The following SHISA9 variants were observed in gnomAD, a reference collection of about 807,000 sequenced individuals.
The protein encoded by SHISA9 is protein shisa-9.
Under a neutral mutation model 38.0 loss-of-function variants are expected in SHISA9, and 13 were observed. The observed-to-expected ratio is 0.34, with a 90% confidence interval of 0.22 to 0.54. The LOEUF (loss-of-function observed/expected upper bound fraction) is 0.54, where lower values mean the gene tolerates loss of function less well. Ranked by LOEUF, SHISA9 falls within the 20% of genes least tolerant of loss-of-function variation. The probability of loss-of-function intolerance (pLI) is 0.91; values close to 1 mark genes in which losing one functional copy is unlikely to be tolerated. For missense variants in SHISA9, 538 were observed against 575.8 expected (o/e 0.93, Z 0.67); for synonymous variants, 275 against 242.0 (o/e 1.14, Z -1.27).
the SHISA9 span, among the ~76,000 whole-genome samples, chr16:13,283,256 C>G: frequency 1.3e-5 from 2 of 152,148 alleles, no homozygotes; most frequent in Non-Finnish European, 1.5e-5. Context: ...TTTTCTAACT[C>G]AGCTAACTTC....
At chr16:13,511,402 T>C in the SHISA9 span, among the ~76,000 whole-genome samples, 1 of 152,210 alleles carries the variant, frequency 6.6e-6, no homozygotes, top group African/African-American at 2.4e-5. Context: ...CCTGGCTGCA[T>C]TTGGCATTTT....
chr16:12,927,949 TTGGAGACCAGCATAG>T (rs1453496278), intron 2 of SHISA9, among the ~76,000 whole-genome samples: 1 of 152,132 alleles, frequency 6.6e-6, no homozygotes, highest in Admixed American at 6.5e-5. Flanking sequence ...ATTAGAAGAA[TTGGAGACCAGCATAG>T]TGTGCTGACT....
At chr16:13,282,197 T>A in the SHISA9 span, among the ~76,000 whole-genome samples, 1 of 151,986 alleles carries the variant, frequency 6.6e-6, no homozygotes, top group Non-Finnish European at 1.5e-5. Context: ...GGTAATGTAT[T>A]CTTCCAGGTA....
the SHISA9 span, among the ~76,000 whole-genome samples, chr16:13,456,622 T>C: frequency 6.6e-6 from 1 of 152,226 alleles, no homozygotes; most frequent in African/African-American, 2.4e-5. Context: ...TTTGTTTGCC[T>C]GAGGGTCTTG....
At chr16:13,457,549 T>C in the SHISA9 span, among the ~76,000 whole-genome samples, 6 of 151,948 alleles carry the variant, frequency 3.9e-5, no homozygotes, top group Admixed American at 3.3e-4. Flanking sequence ...TTTGAATGAC[T>C]CCCTTTAGGC....
the SHISA9 span, among the ~76,000 whole-genome samples, chr16:13,264,116 T>C: frequency 3.3e-5 from 5 of 151,952 alleles, no homozygotes; most frequent in Admixed American, 1.3e-4. Context: ...TCATCACCTG[T>C]GTCTGCTTCT....
the SHISA9 span, among the ~76,000 whole-genome samples, chr16:13,559,680 G>A: frequency 6.6e-6 from 1 of 152,160 alleles, no homozygotes; most frequent in South Asian, 2.1e-4. Flanking sequence ...ACCACATCCA[G>A]CTGAGCATGG....
intron 2 of SHISA9, among the ~76,000 whole-genome samples, chr16:13,039,371 T>C (rs1232822240): frequency 1.3e-5 from 2 of 152,156 alleles, no homozygotes; most frequent in Non-Finnish European, 2.9e-5. Flanking sequence ...GCTAAGTGAC[T>C]TGTACAAGGT....
the SHISA9 span, among the ~76,000 whole-genome samples, chr16:13,539,465 C>G: frequency 6.6e-6 from 1 of 150,858 alleles, no homozygotes; most frequent in Non-Finnish European, 1.5e-5. Context: ...GTGTCAACCA[C>G]TATGCTTGGC....
At chr16:12,906,853 C>G (rs1296768985) in intron 1 of SHISA9, among the ~76,000 whole-genome samples, 1 of 152,110 alleles carries the variant, frequency 6.6e-6, no homozygotes, top group Non-Finnish European at 1.5e-5. Context: ...CCCACTGATG[C>G]TGGTAGCACA....
At chr16:12,986,512 TGTGGTG>T (rs1398907512) in intron 2 of SHISA9, among the ~76,000 whole-genome samples, 1 of 152,114 alleles carries the variant, frequency 6.6e-6, no homozygotes, top group Non-Finnish European at 1.5e-5. Context: ...TTTGGACCTG[TGTGGTG>T]GTGGTAAAGG....
intron 2 of SHISA9, among the ~76,000 whole-genome samples, chr16:13,184,070 C>T (rs1010692058): frequency 6.6e-6 from 1 of 152,096 alleles, no homozygotes. Flanking sequence ...TTTTCCTAAG[C>T]ACCCTCCTCT....
chr16:12,958,336 G>T (rs2071863979), intron 2 of SHISA9, among the ~76,000 whole-genome samples: 2 of 152,154 alleles, frequency 1.3e-5, no homozygotes, highest in Non-Finnish European at 2.9e-5. Context: ...GGACATCCTT[G>T]TACTTCCAAC....
the SHISA9 span, among the ~76,000 whole-genome samples, chr16:13,362,092 A>G: frequency 9.1e-4 from 138 of 152,024 alleles, 1 homozygote; most frequent in South Asian, 0.026. Context: ...GGCTGGCTGC[A>G]GTGGCTCATG....
At chr16:13,329,059 C>T in the SHISA9 span, among the ~76,000 whole-genome samples, 1 of 152,114 alleles carries the variant, frequency 6.6e-6, no homozygotes. Context: ...TCCATCTTCC[C>T]TTCTTTTTGC....
chr16:13,554,755 G>C, the SHISA9 span, among the ~76,000 whole-genome samples: 2 of 152,142 alleles, frequency 1.3e-5, no homozygotes, highest in Admixed American at 6.5e-5. Context: ...GCCTCCCAAA[G>C]AGCCACCGTG....
At chr16:13,376,602 T>C in the SHISA9 span, among the ~76,000 whole-genome samples, 1 of 152,242 alleles carries the variant, frequency 6.6e-6, no homozygotes, top group Non-Finnish European at 1.5e-5. Context: ...CATGGATTTT[T>C]TTTATTTTAG....
At chr16:13,456,266 C>T in the SHISA9 span, among the ~76,000 whole-genome samples, 7 of 152,300 alleles carry the variant, frequency 4.6e-5, no homozygotes, top group South Asian at 1.4e-3. Flanking sequence ...TTAGACTGTG[C>T]ACTTCAACCT....
chr16:13,404,522 A>C, the SHISA9 span, among the ~76,000 whole-genome samples: 1 of 152,132 alleles, frequency 6.6e-6, no homozygotes, highest in Non-Finnish European at 1.5e-5. Context: ...CCTGTGGTAG[A>C]AAGTATATGG....
Sources: gnomAD v4.1 joint callset for allele counts (sites outside exome capture counted in the v4.1 genomes callset) on GRCh38, gnomAD v4.1.1 for gene constraint, MANE v1.5 for transcripts, NCBI Gene and HGNC (gene_info 2026-07-23, HGNC 2026-07-21) for gene names.